Variants in SRD5A2 observed in about 807,000 individuals in gnomAD.
The protein encoded by SRD5A2 is 3-oxo-5-alpha-steroid 4-dehydrogenase 2.
In SRD5A2, 30 loss-of-function variants were observed where a neutral mutation model predicts 27.4. That is an observed-to-expected ratio of 1.10 (90% confidence interval 0.82 to 1.49). SRD5A2 has a LOEUF of 1.49. Among genes scored for constraint, SRD5A2 ranks in the 40% most tolerant of loss-of-function variants. The pLI is 0.00. For synonymous variants in SRD5A2, 141 were observed against 133.6 expected (o/e 1.06, Z -0.38); for missense variants, 348 against 323.4 (o/e 1.08, Z -0.58).
At chr2:31,548,864 G>A (rs567085056) in intron 1 of SRD5A2, among the ~76,000 whole-genome samples, 103 of 152,102 alleles carry the variant, frequency 6.8e-4, no homozygotes, top group South Asian at 1.5e-3. Flanking sequence ...AAATGGATAA[G>A]CAAAATGTGG....
chr2:31,550,787 T>C (rs1666366917), intron 1 of SRD5A2, among the ~76,000 whole-genome samples: 1 of 152,060 alleles, frequency 6.6e-6, no homozygotes, highest in South Asian at 2.1e-4. Context: ...GAACAGTCAG[T>C]AACTGAATGT....
intron 1 of SRD5A2, among the ~76,000 whole-genome samples, chr2:31,536,140 G>A (rs989261899): frequency 1.3e-5 from 2 of 152,164 alleles, no homozygotes; most frequent in African/African-American, 4.8e-5. Flanking sequence ...GAAAGCTTTG[G>A]GAGCCTGAAG....
chr2:31,605,344 G>T, the SRD5A2 span, among the ~76,000 whole-genome samples: 4 of 151,728 alleles, frequency 2.6e-5, no homozygotes, highest in Non-Finnish European at 5.9e-5. Flanking sequence ...ACAAACAGCA[G>T]AGTGAAGAGA....
At chr2:31,619,861 T>G in the SRD5A2 span, among the ~76,000 whole-genome samples, 1 of 152,170 alleles carries the variant, frequency 6.6e-6, no homozygotes, top group Non-Finnish European at 1.5e-5. Flanking sequence ...ATGTATAGTT[T>G]GCAAAATATT....
At chr2:31,564,567 T>A (rs1666691420) in intron 1 of SRD5A2, among the ~76,000 whole-genome samples, 1 of 151,770 alleles carries the variant, frequency 6.6e-6, no homozygotes, top group Non-Finnish European at 1.5e-5. Flanking sequence ...AAGCCCAGAA[T>A]AAGAAATATA....
At chr2:31,543,577 T>C (rs751603056) in intron 1 of SRD5A2, among the ~76,000 whole-genome samples, 6 of 152,216 alleles carry the variant, frequency 3.9e-5, no homozygotes, top group Non-Finnish European at 5.9e-5. Context: ...ATTTATGTTT[T>C]GTGACACATG....
At chr2:31,581,207 G>A (rs1667076650), upstream of SRD5A2, 9 of 420,740 alleles carry the variant, frequency 2.1e-5, no homozygotes, top group Admixed American at 2.0e-4. Context: ...AACTATTAGC[G>A]TCTGATGCGC....
Position 31,525,915 on chromosome 2 carries a change from GAA to G in SRD5A2, c.*279_*280del, listed in dbSNP as rs1216517434. On this transcript the variant is annotated 3_prime_UTR_variant, in exon 5 of 5. Transcript: ENST00000622030. Reference sequence around the variant, plus strand: ...GGATTGCCCGGTGAAAGACATAGGAGAAGTTTGTACTTTCTCAGAGCAATAGC... The same window carrying G: ...GGATTGCCCGGTGAAAGACATAGGAGGTTTGTACTTTCTCAGAGCAATAGC... 6 of 349,740 alleles carry G rather than the reference GAA, an allele frequency of 1.7e-5. No individual in the cohort carries two copies. Among genetic ancestry groups the G allele is most frequent in the East Asian group, 8.1e-5 (2 of 24,758 alleles). 21.7% of individuals were successfully genotyped at this position (349,740 alleles called of 1,614,324 possible). A position where few individuals can be genotyped will look rare whatever the true frequency, so the allele number is the denominator to read the frequency against.
intron 1 of SRD5A2, among the ~76,000 whole-genome samples, chr2:31,569,183 C>A (rs895680703): frequency 1.3e-5 from 2 of 152,260 alleles, no homozygotes; most frequent in Non-Finnish European, 2.9e-5. Context: ...CCAGCCATGC[C>A]TCTAACACTG....
chr2:31,647,348 A>G, the SRD5A2 span, among the ~76,000 whole-genome samples: 1 of 152,174 alleles, frequency 6.6e-6, no homozygotes, highest in African/African-American at 2.4e-5. Context: ...GCCCACACTG[A>G]TAGCCCATGG....
chr2:31,543,805 G>A (rs910117458), intron 1 of SRD5A2, among the ~76,000 whole-genome samples: 1 of 152,002 alleles, frequency 6.6e-6, no homozygotes, highest in Admixed American at 6.6e-5. Flanking sequence ...ACGGTGTAGA[G>A]AAAACAAATA....
upstream of SRD5A2, among the ~76,000 whole-genome samples, chr2:31,581,783 C>T (rs1164981791): frequency 6.6e-6 from 1 of 152,230 alleles, no homozygotes; most frequent in African/African-American, 2.4e-5. Flanking sequence ...TTCCCAGCTC[C>T]TAGAGCCAAT....
chr2:31,582,517 A>G (rs1208637324), upstream of SRD5A2, among the ~76,000 whole-genome samples: 1 of 152,230 alleles, frequency 6.6e-6, no homozygotes, highest in Non-Finnish European at 1.5e-5. Flanking sequence ...TGGAAAAGCC[A>G]GGTCTTAGCC....
At chr2:31,585,813 C>G (rs573506073), upstream of SRD5A2, among the ~76,000 whole-genome samples, 1 of 152,190 alleles carries the variant, frequency 6.6e-6, no homozygotes, top group South Asian at 2.1e-4. Flanking sequence ...TCCTGGGCCA[C>G]AGGGAAGCCC....
rs768049608 is a variant in SRD5A2 at position 31,526,105 on chromosome 2, G to GAA, written c.*90_*91insTT. On this transcript the variant is annotated 3_prime_UTR_variant, in exon 5 of 5. Transcript: ENST00000622030. ...AGGAGACCTACTATTACATATATAC[G>GAA]GGACTATTATATCATGAAAATTACA... The GAA allele has an allele frequency of 0.012, 9,627 of 797,936 alleles. 169 individuals carry two copies. Among genetic ancestry groups the GAA allele is most frequent in the South Asian group, 0.04 (2,395 of 59,866 alleles). The allele number at this position is 797,936 out of a possible 1,614,324, so 49.4% of individuals were successfully genotyped here. A position where few individuals can be genotyped will look rare whatever the true frequency, so the allele number is the denominator to read the frequency against.
At chr2:31,626,977 C>A in the SRD5A2 span, among the ~76,000 whole-genome samples, 2 of 152,124 alleles carry the variant, frequency 1.3e-5, no homozygotes, top group African/African-American at 2.4e-5. Flanking sequence ...GGCTGTGAAT[C>A]TGTCTGGTCC....
At chr2:31,598,660 C>T in the SRD5A2 span, among the ~76,000 whole-genome samples, 8 of 151,128 alleles carry the variant, frequency 5.3e-5, no homozygotes, top group South Asian at 1.5e-3. Context: ...CACCAAAAAA[C>T]TTACAATAGA....
At chr2:31,546,872 G>A (rs748617986) in intron 1 of SRD5A2, among the ~76,000 whole-genome samples, 8 of 152,104 alleles carry the variant, frequency 5.3e-5, no homozygotes, top group South Asian at 4.1e-4. Context: ...CAAGGAGGGC[G>A]GATCACCTGA....
rs151149532 is a variant in SRD5A2, at chr2:31,573,922, T to C, written c.281+6698A>G. Among the ~76,000 whole-genome samples the C allele has an allele frequency of 6.7e-3, 1,019 of 152,318 alleles. 11 individuals are homozygous for C. The highest frequency in any genetic ancestry group is 0.023 in the African/African-American group (965 of 41,564). On this transcript the variant is annotated intron_variant, in intron 1 of 4. Transcript: ENST00000622030. The stretch of plus-strand genomic sequence containing the variant: ...ATAAAAGGTGGTAATATGTCTCTAG[T>C]TACCTAATTCCTGGATCTCTCAGTT...
Sources: gnomAD v4.1 joint callset for allele counts (sites outside exome capture counted in the v4.1 genomes callset) on GRCh38, gnomAD v4.1.1 for gene constraint, MANE v1.5 for transcripts, NCBI Gene and HGNC (gene_info 2026-07-23, HGNC 2026-07-21) for gene names.